The following SNX13 variants were observed in gnomAD, a reference collection of about 807,000 sequenced individuals.
SNX13 encodes the protein sorting nexin-13.
SNX13 carries 45 observed loss-of-function variants against 133.6 expected under a neutral mutation model. The observed-to-expected ratio is 0.34, with a 90% CI of 0.27 to 0.43. SNX13 has a LOEUF of 0.43. Ranked by LOEUF, SNX13 falls within the 20% of genes least tolerant of loss-of-function variation. The probability of loss-of-function intolerance (pLI) is 1.00; values close to 1 mark genes in which losing one functional copy is unlikely to be tolerated. For synonymous variants in SNX13, 414 were observed against 373.9 expected (o/e 1.11, Z -1.24); for missense variants, 1,032 against 1,145.1 (o/e 0.90, Z 1.43).
chr7:17,817,938 C>T (rs375454058), intron 18 of SNX13, among the ~76,000 whole-genome samples: 7 of 152,140 alleles, frequency 4.6e-5, no homozygotes, highest in African/African-American at 1.4e-4. Context: ...GTGCCGCAGA[C>T]GGTGACTGAA....
intron 7 of SNX13, among the ~76,000 whole-genome samples, chr7:17,875,120 C>A (rs1243006872): frequency 6.6e-6 from 1 of 152,096 alleles, no homozygotes; most frequent in Non-Finnish European, 1.5e-5. Flanking sequence ...GATTCTCCCA[C>A]CTCAGCCAGC....
chr7:17,813,156 C>T (rs1190174683), intron 20 of SNX13, among the ~76,000 whole-genome samples: 1 of 152,056 alleles, frequency 6.6e-6, no homozygotes, highest in Non-Finnish European at 1.5e-5. Context: ...ACTGTTGGGA[C>T]ATACACGTGT....
At chr7:17,926,258 G>C (rs1285507980) in intron 1 of SNX13, among the ~76,000 whole-genome samples, 3 of 152,152 alleles carry the variant, frequency 2.0e-5, no homozygotes, top group East Asian at 3.9e-4. Flanking sequence ...CTGTATGTTT[G>C]AAAGTGTGCT....
chr7:17,902,554 A>C (rs1278176298), intron 1 of SNX13, among the ~76,000 whole-genome samples: 1 of 152,178 alleles, frequency 6.6e-6, no homozygotes, highest in African/African-American at 2.4e-5. Flanking sequence ...ATGCCACATA[A>C]AAATAATTGG....
intron 17 of SNX13, among the ~76,000 whole-genome samples, chr7:17,824,688 A>C (rs1011027657): frequency 1.3e-5 from 2 of 152,108 alleles, no homozygotes; most frequent in East Asian, 1.9e-4. Context: ...GTTTGAGCCC[A>C]AGCAATTCAG....
At chr7:17,866,452 G>C (rs1793408429) in intron 9 of SNX13, among the ~76,000 whole-genome samples, 1 of 152,064 alleles carries the variant, frequency 6.6e-6, no homozygotes, top group African/African-American at 2.4e-5. Context: ...TTTCACTCCA[G>C]TTAAAATGGC....
At position 17,794,305 on chromosome 7, in the gene SNX13, G is replaced by A. The variant is rs945446211; in HGVS notation, c.2627-13C>T. 23 of 1,601,480 alleles carry A rather than the reference G, an allele frequency of 1.4e-5. No homozygotes were observed. The South Asian group carries it at 2.2e-4, about 16-fold the overall frequency. ...TGCTTCAGCTCATCTAAATGAAGTG[G>A]AGGAAAACACACATAATTATTCAAA... On this transcript the variant is annotated splice_polypyrimidine_tract_variant and intron_variant, in intron 25 of 25. Coordinates refer to ENST00000428135, the MANE Select transcript of SNX13 (RefSeq NM_015132.5).
At chr7:17,797,293 A>G (rs765443257) in intron 24 of SNX13, among the ~76,000 whole-genome samples, 1 of 151,794 alleles carries the variant, frequency 6.6e-6, no homozygotes, top group Admixed American at 6.6e-5. Context: ...CAACCCTACA[A>G]TATCTTGAAT....
chr7:17,930,250 T>C (rs1350313172), intron 1 of SNX13, among the ~76,000 whole-genome samples: 2 of 152,184 alleles, frequency 1.3e-5, no homozygotes, highest in South Asian at 2.1e-4. Flanking sequence ...GTCACACATA[T>C]AAGAAAACTG....
intron 5 of SNX13, 150 bp downstream of exon 5, chr7:17,890,213 A>C: frequency 1.7e-6 from 1 of 599,312 alleles, no homozygotes; most frequent in Non-Finnish European, 2.6e-6. Flanking sequence ...TAAGAGCTCT[A>C]GTTGTAAAAT....
chr7:17,818,402 C>A (rs1305038857), intron 18 of SNX13, among the ~76,000 whole-genome samples: 2 of 152,100 alleles, frequency 1.3e-5, no homozygotes, highest in African/African-American at 4.8e-5. Flanking sequence ...GCCTGAATTA[C>A]CAAAATAAAC....
chr7:17,816,661 C>G (rs1786699776), intron 18 of SNX13, among the ~76,000 whole-genome samples: 1 of 151,308 alleles, frequency 6.6e-6, no homozygotes, highest in South Asian at 2.1e-4. Context: ...AAAACTCCGT[C>G]TCAAAAAACA....
intron 15 of SNX13, chr7:17,831,831 A>C (rs1308390540): frequency 1.0e-6 from 1 of 983,026 alleles, no homozygotes; most frequent in Non-Finnish European, 1.2e-6. Flanking sequence ...TCATATAAAA[A>C]GAAGTATATC....
At chr7:17,807,182 G>A (rs1785406125) in intron 20 of SNX13, among the ~76,000 whole-genome samples, 1 of 152,102 alleles carries the variant, frequency 6.6e-6, no homozygotes, top group Non-Finnish European at 1.5e-5. Flanking sequence ...CCCCCACGGA[G>A]CCCAGCAAGC....
chr7:17,855,671 G>A (rs189659130), intron 9 of SNX13, among the ~76,000 whole-genome samples: 1 of 152,332 alleles, frequency 6.6e-6, no homozygotes, highest in Admixed American at 6.5e-5. Context: ...CTGTTGAGAT[G>A]TACCACTTAC....
chr7:17,933,211 C>G (rs1439249650), intron 1 of SNX13, among the ~76,000 whole-genome samples: 6 of 152,186 alleles, frequency 3.9e-5, no homozygotes, highest in African/African-American at 1.4e-4. Context: ...ACTGGTAACC[C>G]TCAAATAAAT....
intron 12 of SNX13, among the ~76,000 whole-genome samples, chr7:17,842,574 A>G (rs1422085827): frequency 6.6e-6 from 1 of 152,068 alleles, no homozygotes; most frequent in African/African-American, 2.4e-5. Flanking sequence ...AGTATTATTA[A>G]CAATGATTTG....
At chr7:17,860,546 A>C (rs1792549686) in intron 9 of SNX13, among the ~76,000 whole-genome samples, 1 of 152,214 alleles carries the variant, frequency 6.6e-6, no homozygotes, top group Non-Finnish European at 1.5e-5. Flanking sequence ...CAAATAAATC[A>C]TAATCAAATC....
intron 5 of SNX13, chr7:17,880,616 G>A (rs1288649931): frequency 6.6e-6 from 1 of 152,130 alleles, no homozygotes; most frequent in Non-Finnish European, 1.5e-5. Flanking sequence ...AAACAGAAGT[G>A]GATAGATGTA....
Sources: gnomAD v4.1 joint callset for allele counts (sites outside exome capture counted in the v4.1 genomes callset) on GRCh38, gnomAD v4.1.1 for gene constraint, MANE v1.5 for transcripts, NCBI Gene and HGNC (gene_info 2026-07-23, HGNC 2026-07-21) for gene names.